C1orf53: variants seen among roughly 807,000 people sequenced by gnomAD.
C1orf53 encodes uncharacterized protein C1orf53.
A neutral mutation model predicts 17.5 loss-of-function variants in C1orf53; 23 were observed. The ratio of observed to expected loss-of-function variants is 1.31; its 90% CI spans 0.94 to 1.86. C1orf53 has a LOEUF of 1.86. Among genes scored for constraint, C1orf53 ranks in the 40% most tolerant of loss-of-function variants. The pLI, the probability that C1orf53 is intolerant of heterozygous loss-of-function variation, is 0.00. For missense variants in C1orf53, 255 were observed against 193.2 expected (o/e 1.32, Z -1.89); for synonymous variants, 108 against 81.9 (o/e 1.32, Z -1.72).
intron 1 of C1orf53, among the ~76,000 whole-genome samples, chr1:197,903,229 G>A (rs377289096): frequency 2.0e-5 from 3 of 152,310 alleles, no homozygotes; most frequent in Non-Finnish European, 4.4e-5. Context: ...GCGGAAGGGG[G>A]TGTTAAGGAA....
At chr1:197,903,391 T>G (rs1361800536) in intron 1 of C1orf53, among the ~76,000 whole-genome samples, 7 of 152,260 alleles carry the variant, frequency 4.6e-5, no homozygotes, top group African/African-American at 1.7e-4. Flanking sequence ...ATTGCCTTCT[T>G]GTCCTTTCTC....
intron 1 of C1orf53, 32 bp downstream of exon 1, chr1:197,902,945 C>A: frequency 7.5e-7 from 1 of 1,339,716 alleles, no homozygotes; most frequent in Non-Finnish European, 9.5e-7. Flanking sequence ...CCCGCCCCGC[C>A]GCGGCCGCCC....
chr1:197,903,031 A>G (rs1659465573), intron 1 of C1orf53, 118 bp downstream of exon 1: 5 of 975,108 alleles, frequency 5.1e-6, no homozygotes, highest in Admixed American at 8.7e-5. Context: ...GTTGCTGGAT[A>G]CCGGTGCGGT....
chr1:197,906,337 T>G (rs1020127808), intron 2 of C1orf53, among the ~76,000 whole-genome samples: 3 of 151,972 alleles, frequency 2.0e-5, no homozygotes, highest in African/African-American at 7.3e-5. Context: ...CTTTTCTTCT[T>G]TCCTTCCTTC....
Position 197,902,664 on chromosome 1 carries a change from G to A in C1orf53, c.15G>A (p.Gln5=). The change falls in exon 1 of 3, where the codon CAG becomes CAA. Residue 5 remains glutamine (Q), a synonymous_variant. Transcript: ENST00000367393. ...CCGGCGGCGGCATGGCGGCCAGGCA[G>A]ATCTGGGCACGGACGGGTGCCGCGC... is the stretch of plus-strand genomic sequence containing the variant. The part of the protein sequence containing the change: MAAR[Q]IWARTGAALC... 2.7e-6 allele frequency: 4 copies of A among 1,475,328 alleles called. No homozygotes were observed. The highest frequency in any genetic ancestry group is 3.6e-6 in the Non-Finnish European group (4 of 1,119,272). The allele number at this position is 1,475,328 out of a possible 1,614,324, so 91.4% of individuals were successfully genotyped here.
At chr1:197,904,543 AAATAAATAAAG>A (rs1659491294) in intron 1 of C1orf53, among the ~76,000 whole-genome samples, 1 of 152,184 alleles carries the variant, frequency 6.6e-6, no homozygotes, top group Admixed American at 6.5e-5. Context: ...CGAGCTTCGT[AAATAAATAAAG>A]AAGTGAGGCC....
At chr1:197,906,119 A>G (rs183144313) in intron 2 of C1orf53, among the ~76,000 whole-genome samples, 9 of 152,336 alleles carry the variant, frequency 5.9e-5, no homozygotes, top group South Asian at 4.1e-4. Context: ...AGTTCCTTGA[A>G]ATGCTGTGAT....
In C1orf53 at chr1:197,905,780, T is replaced by C. The variant is rs1451368168; in HGVS notation, c.265-16T>C. ...ATATTGAGATTAATGAATTGTTTCA[T>C]TTTATTGCACTTCAGGCTGGCCAGC... On this transcript the variant is annotated splice_polypyrimidine_tract_variant and intron_variant, in intron 1 of 2. Transcript: ENST00000367393. 1 of 1,545,630 alleles carries C rather than the reference T, an allele frequency of 6.5e-7. No homozygotes were observed. The highest frequency in any genetic ancestry group is 1.4e-5 in the African/African-American group (1 of 73,590).
chr1:197,902,889 G>A lies in C1orf53; in HGVS notation c.240G>A (p.Ala80=), dbSNP rs4539165. The change falls in exon 1 of 3, where the codon GCG becomes GCA. Residue 80 remains alanine (A), a synonymous_variant. Coordinates refer to ENST00000367393, the MANE Select transcript of C1orf53 (RefSeq NM_001024594.3). ...EELTAAERQI[A]ELHAAACAAG... The stretch of plus-strand genomic sequence containing the variant: ...TAACCGCGGCGGAGCGACAGATCGC[G>A]GAGCTGCACGCTGCCGCCTGCGCGG... The A allele has an allele frequency of 6.0e-6, 9 of 1,491,700 alleles. No individual in the cohort carries two copies. Among genetic ancestry groups the A allele is most frequent in the Non-Finnish European group, 7.1e-6 (8 of 1,125,712 alleles). The allele number at this position is 1,491,700 out of a possible 1,614,324, so 92.4% of individuals were successfully genotyped here. A position where few individuals can be genotyped will look rare whatever the true frequency, so the allele number is the denominator to read the frequency against.
chr1:197,903,011 A>C, intron 1 of C1orf53, 98 bp downstream of exon 1: 1 of 1,165,780 alleles, frequency 8.6e-7, no homozygotes, highest in East Asian at 3.3e-5. Context: ...GCCGCCCGGC[A>C]GAGGCAAAGG....
In C1orf53 at chr1:197,905,877, T is replaced by C; in HGVS notation, c.346T>C (p.Cys116Arg). The change falls in exon 2 of 3, where the codon TGT becomes CGT. Residue 116 changes from cysteine to arginine, a missense_variant. Cys to Arg is a radical substitution (Grantham distance 180). Transcript: ENST00000367393. ...QIAHLQRGEC[C>R]GSACRHCPYG... The stretch of plus-strand genomic sequence containing the variant: ...TGCCCACTTGCAAAGAGGTGAATGT[T>C]GTGGCTCTGCGTGCAGACATGTGAG... 1 of 1,613,806 alleles carries C rather than the reference T, an allele frequency of 6.2e-7. No individual in the cohort carries two copies. The highest frequency in any genetic ancestry group is 2.2e-5 in the East Asian group (1 of 44,882).
Position 197,903,914 on chromosome 1 carries a change from T to C in C1orf53, c.264+1001T>C, listed in dbSNP as rs1659479502. On this transcript the variant is annotated intron_variant, in intron 1 of 2. Coordinates refer to ENST00000367393, the MANE Select transcript of C1orf53 (RefSeq NM_001024594.3). The stretch of plus-strand genomic sequence containing the variant: ...TAAAAATAATGTATATAATTTGTTC[T>C]CATACTTCGCAATATAGATATGGTG... 3.3e-5 allele frequency among the ~76,000 whole-genome samples: 5 copies of C among 152,344 alleles called. No homozygotes were observed. In the South Asian group the frequency reaches 1.0e-3, roughly 32 times the overall value.
chr1:197,907,256 AT>A lies in C1orf53; in HGVS notation c.*42del, dbSNP rs778591899. On this transcript the variant is annotated 3_prime_UTR_variant, in exon 3 of 3. Transcript: ENST00000367393. ...ATCTCTGTTCCCTAACTGTGCTTGT[AT>A]TTTTTAAAAAATAAAGCCCCAATTC... 3 of 1,270,160 alleles carry A rather than the reference AT, an allele frequency of 2.4e-6. No homozygotes were observed. The highest frequency in any genetic ancestry group is 1.3e-5 in the South Asian group (1 of 74,640). The allele number at this position is 1,270,160 out of a possible 1,614,324, so 78.7% of individuals were successfully genotyped here.
In C1orf53 at chr1:197,902,830, G is replaced by A. The variant is rs372054031; in HGVS notation, c.181G>A (p.Glu61Lys). 50 of 1,567,016 alleles carry A rather than the reference G, an allele frequency of 3.2e-5. No individual in the cohort carries two copies. The highest frequency in any genetic ancestry group is 4.0e-5 in the Non-Finnish European group (47 of 1,164,144). The change falls in exon 1 of 3, where the codon GAG becomes AAG. Residue 61 changes from glutamate to lysine, a missense_variant. Glu to Lys is a moderately conservative substitution (Grantham distance 56). Transcript: ENST00000367393. Reference protein sequence around the residue: ...GSAPSTPGRPERAARPSVSEE... With the variant: ...GSAPSTPGRPKRAARPSVSEE... ...CGCGCCCAGCACGCCCGGTAGGCCG[G>A]AGAGAGCGGCGAGGCCTTCGGTGAG...
rs1404177806 is a variant in C1orf53, at chr1:197,907,127, ATTTGT to A, written c.367-18_367-14del. Reference sequence around the variant, plus strand: ...ATGATTGTTAAATAATTTAATAATAATTTGTTTTATTTCTTCTGCAGTGTCCATAT... The same window carrying A: ...ATGATTGTTAAATAATTTAATAATAATTTATTTCTTCTGCAGTGTCCATAT... On this transcript the variant is annotated splice_polypyrimidine_tract_variant and intron_variant, in intron 2 of 2. Transcript: ENST00000367393. 1.4e-6 allele frequency: 2 copies of A among 1,405,644 alleles called. No homozygotes were observed. Among genetic ancestry groups the A allele is most frequent in the Admixed American group, 1.9e-5 (1 of 51,288 alleles). The allele number at this position is 1,405,644 out of a possible 1,614,324, so 87.1% of individuals were successfully genotyped here.
In C1orf53 at chr1:197,902,674, C is replaced by A; in HGVS notation, c.25C>A (p.Arg9=). 6.7e-7 allele frequency: 1 copy of A among 1,491,624 alleles called. No homozygotes were observed. Among genetic ancestry groups the A allele is most frequent in the Non-Finnish European group, 8.9e-7 (1 of 1,128,054 alleles). 92.4% of individuals were successfully genotyped at this position (1,491,624 alleles called of 1,614,324 possible). Residue 9 remains arginine (R), a synonymous_variant, in exon 1 of 3, where the codon CGG becomes AGG. Transcript: ENST00000367393. The stretch of plus-strand genomic sequence containing the variant: ...CATGGCGGCCAGGCAGATCTGGGCA[C>A]GGACGGGTGCCGCGCTCTGCAGGCA... MAARQIWA[R]TGAALCRQPS...
Position 197,907,350 on chromosome 1 carries a change from A to G in C1orf53, c.*130A>G, listed in dbSNP as rs914227929. The G allele has an allele frequency of 8.3e-5, 41 of 496,018 alleles. No individual in the cohort carries two copies. The highest frequency in any genetic ancestry group is 1.4e-4 in the Non-Finnish European group (39 of 278,668). 30.7% of individuals were successfully genotyped at this position (496,018 alleles called of 1,614,324 possible). The stretch of plus-strand genomic sequence containing the variant: ...AAATACATATATTAAAAGAACATCA[A>G]TAAAATGAAAAAGCTAACAAATGTT... On this transcript the variant is annotated 3_prime_UTR_variant, in exon 3 of 3. Coordinates refer to ENST00000367393, the MANE Select transcript of C1orf53 (RefSeq NM_001024594.3).
Position 197,902,929 on chromosome 1 carries a change from G to A in C1orf53, c.264+16G>A. ...CGCCTGCGCGGTGAGACTCCCTCCT[G>A]CCCGCCCCGCCCCGCCGCGGCCGCC... On this transcript the variant is annotated intron_variant, in intron 1 of 2. Coordinates refer to ENST00000367393, the MANE Select transcript of C1orf53 (RefSeq NM_001024594.3). 7.4e-7 allele frequency: 1 copy of A among 1,353,480 alleles called. No individual in the cohort carries two copies. Among genetic ancestry groups the A allele is most frequent in the South Asian group, 1.8e-5 (1 of 54,310 alleles). 83.8% of individuals were successfully genotyped at this position (1,353,480 alleles called of 1,614,324 possible). A position where few individuals can be genotyped will look rare whatever the true frequency, so the allele number is the denominator to read the frequency against.
chr1:197,906,034 C>T lies in C1orf53; in HGVS notation c.366+137C>T, dbSNP rs191737701. 5.2e-3 allele frequency: 3,482 copies of T among 672,364 alleles called. 22 individuals are homozygous for T. Among genetic ancestry groups the T allele is most frequent in the Non-Finnish European group, 6.9e-3 (2,621 of 382,486 alleles). 41.6% of individuals were successfully genotyped at this position (672,364 alleles called of 1,614,324 possible). On this transcript the variant is annotated intron_variant, in intron 2 of 2. Coordinates refer to ENST00000367393, the MANE Select transcript of C1orf53 (RefSeq NM_001024594.3). ...ACTTTTCACAAGCTACTTTAGCCAA[C>T]GACAATGAAGTCCTTAGTACCAACA...
Sources: gnomAD v4.1 joint callset for allele counts (sites outside exome capture counted in the v4.1 genomes callset) on GRCh38, gnomAD v4.1.1 for gene constraint, MANE v1.5 for transcripts, NCBI Gene and HGNC (gene_info 2026-07-23, HGNC 2026-07-21) for gene names.